PSD2: variants seen among roughly 807,000 people sequenced by gnomAD.
PSD2 encodes the protein PH and SEC7 domain-containing protein 2.
Under a neutral mutation model 69.8 loss-of-function variants are expected in PSD2, and 38 were observed. That is an observed-to-expected ratio of 0.54 (90% CI 0.42 to 0.71). PSD2 has a LOEUF of 0.71. Ranked by LOEUF, PSD2 falls within the 30% of genes least tolerant of loss-of-function variation. The pLI is 0.00. For synonymous variants in PSD2, 412 were observed against 423.0 expected, an observed-to-expected ratio of 0.97 and a Z score of 0.32; for missense variants, 943 against 1,014.5, an observed-to-expected ratio of 0.93 and a Z score of 0.96.
At chr5:139,821,073 C>T (rs1312066699) in intron 5 of PSD2, among the ~76,000 whole-genome samples, 9 of 152,114 alleles carry the variant, frequency 5.9e-5, no homozygotes, top group Non-Finnish European at 7.3e-5. Flanking sequence ...GCTTGGATTA[C>T]AGGCATGCGC....
intron 7 of PSD2, among the ~76,000 whole-genome samples, chr5:139,825,021 G>A (rs150770931): frequency 1.1e-4 from 17 of 152,328 alleles, no homozygotes; most frequent in Admixed American, 1.1e-3. Flanking sequence ...GAGGATTTGT[G>A]TAGAAGAGGC....
intron 1 of PSD2, among the ~76,000 whole-genome samples, chr5:139,801,675 A>G (rs1309699066): frequency 6.6e-6 from 1 of 151,940 alleles, no homozygotes; most frequent in African/African-American, 2.4e-5. Flanking sequence ...CCAAATTTAA[A>G]TCCCAAGTCT....
At chr5:139,840,743 G>T (rs1317462294) in intron 14 of PSD2, among the ~76,000 whole-genome samples, 1 of 151,896 alleles carries the variant, frequency 6.6e-6, no homozygotes, top group African/African-American at 2.4e-5. Flanking sequence ...TAGATATGGG[G>T]GTTTCACCAT....
At position 139,813,669 on chromosome 5, in the gene PSD2, C is replaced by T. The variant is rs750246568; in HGVS notation, c.732C>T (p.Pro244=). The change falls in exon 3 of 15, where the codon CCC becomes CCT. Residue 244 remains proline (P), a synonymous_variant. Coordinates refer to ENST00000274710, the MANE Select transcript of PSD2 (RefSeq NM_032289.4). ...GCCGCCTGTCTCTCATGGCCATGCC[C>T]AATGGATTCCATGAAGATGGCCCTC... The part of the protein sequence containing the change: ...VLSRLSLMAM[P]NGFHEDGPQG... The T allele has an allele frequency of 3.1e-6, 5 of 1,613,818 alleles. No individual in the cohort carries two copies. Among genetic ancestry groups the T allele is most frequent in the Admixed American group, 1.7e-5 (1 of 59,994 alleles).
chr5:139,767,170 AT>A, the PSD2 span, among the ~76,000 whole-genome samples: 5 of 148,790 alleles, frequency 3.4e-5, no homozygotes, highest in Non-Finnish European at 5.9e-5. Flanking sequence ...TTTTTTTTGT[AT>A]TTTTAGTAGA....
chr5:139,791,187 T>C (rs762332373), upstream of PSD2, among the ~76,000 whole-genome samples: 7 of 152,082 alleles, frequency 4.6e-5, no homozygotes, highest in Non-Finnish European at 1.0e-4. Context: ...CCTAGCACTT[T>C]GGGAAGCCAA....
intron 7 of PSD2, among the ~76,000 whole-genome samples, chr5:139,831,588 T>C (rs1321982965): frequency 6.6e-6 from 1 of 152,216 alleles, no homozygotes; most frequent in Non-Finnish European, 1.5e-5. Context: ...CATTCTTGAC[T>C]TATAAAGTAC....
intron 8 of PSD2, among the ~76,000 whole-genome samples, chr5:139,834,163 TAAGAG>T (rs1442927460): frequency 2.0e-5 from 3 of 152,182 alleles, no homozygotes; most frequent in Non-Finnish European, 2.9e-5. Flanking sequence ...TACCAGGAAT[TAAGAG>T]AATCCAGTTT....
intron 14 of PSD2, among the ~76,000 whole-genome samples, chr5:139,840,707 T>G (rs183698795): frequency 1.3e-5 from 2 of 152,068 alleles, no homozygotes; most frequent in South Asian, 2.1e-4. Flanking sequence ...CATGCCACCA[T>G]GCCTGGCTAA....
At chr5:139,773,336 C>T in the PSD2 span, among the ~76,000 whole-genome samples, 1 of 152,148 alleles carries the variant, frequency 6.6e-6, no homozygotes. Flanking sequence ...AATCATAGCT[C>T]ACTGCAGCCT....
chr5:139,761,091 A>T, the PSD2 span, among the ~76,000 whole-genome samples: 2 of 152,172 alleles, frequency 1.3e-5, no homozygotes, highest in South Asian at 2.1e-4. Context: ...GAGAAGAAAG[A>T]CTCAGGGGCA....
At chr5:139,807,656 G>A (rs1349436882) in intron 1 of PSD2, among the ~76,000 whole-genome samples, 1 of 152,056 alleles carries the variant, frequency 6.6e-6, no homozygotes, top group Non-Finnish European at 1.5e-5. Context: ...GTAAACGGGC[G>A]GCGTCCCAGG....
At chr5:139,799,541 A>G (rs980234497) in intron 1 of PSD2, among the ~76,000 whole-genome samples, 45 of 152,304 alleles carry the variant, frequency 3.0e-4, no homozygotes, top group African/African-American at 1.1e-3. Context: ...GGGCACTTCA[A>G]AACCACTGAA....
chr5:139,771,660 G>C, the PSD2 span, among the ~76,000 whole-genome samples: 1 of 152,124 alleles, frequency 6.6e-6, no homozygotes, highest in South Asian at 2.1e-4. Context: ...TTACAGTCTT[G>C]AGCCACCGCG....
At chr5:139,825,261 C>T (rs1039586412) in intron 7 of PSD2, among the ~76,000 whole-genome samples, 2 of 152,204 alleles carry the variant, frequency 1.3e-5, no homozygotes, top group African/African-American at 2.4e-5. Context: ...CAGCGGGAGC[C>T]GGCCATGGAA....
chr5:139,799,373 C>T (rs1328875173), intron 1 of PSD2, among the ~76,000 whole-genome samples: 1 of 152,116 alleles, frequency 6.6e-6, no homozygotes, highest in Non-Finnish European at 1.5e-5. Context: ...AGTGGGGGAG[C>T]CACAACTCAG....
At chr5:139,771,161 G>A in the PSD2 span, among the ~76,000 whole-genome samples, 18 of 152,172 alleles carry the variant, frequency 1.2e-4, no homozygotes, top group African/African-American at 4.3e-4. Context: ...CCTGCTTTTT[G>A]AACAAGAAGC....
chr5:139,777,148 C>T, the PSD2 span, among the ~76,000 whole-genome samples: 1 of 152,186 alleles, frequency 6.6e-6, no homozygotes, highest in African/African-American at 2.4e-5. Context: ...GTGCCAGTTC[C>T]CTATAAACAA....
chr5:139,756,180 C>G, the PSD2 span, among the ~76,000 whole-genome samples: 3 of 152,206 alleles, frequency 2.0e-5, no homozygotes, highest in Non-Finnish European at 4.4e-5. Context: ...ATTTCTCCCC[C>G]CTCTTCCTTT....
Sources: allele counts gnomAD v4.1 joint callset (sites outside exome capture counted in the v4.1 genomes callset), GRCh38; gene constraint gnomAD v4.1.1; transcripts MANE v1.5; gene names NCBI Gene and HGNC (gene_info 2026-07-23, HGNC 2026-07-21).